Variants in TDRD10 observed in about 807,000 individuals in gnomAD.
The protein encoded by TDRD10 is tudor domain-containing protein 10.
Under a neutral mutation model 48.0 loss-of-function variants are expected in TDRD10, and 40 were observed. That is an observed-to-expected ratio of 0.83 (90% CI 0.65 to 1.09). The LOEUF (loss-of-function observed/expected upper bound fraction) is 1.09. Among genes scored for constraint, TDRD10 ranks in the 50% least tolerant of loss-of-function variants. The pLI, the probability that TDRD10 is intolerant of heterozygous loss-of-function variation, is 0.00. For synonymous variants in TDRD10, 162 were observed against 170.4 expected (o/e 0.95, Z 0.38); for missense variants, 378 against 434.7 (o/e 0.87, Z 1.16).
chr1:154,547,545 G>A (rs746435749), intron 12 of TDRD10, 66 bp downstream of exon 12: 37 of 1,614,248 alleles, frequency 2.3e-5, no homozygotes, highest in Non-Finnish European at 3.1e-5. Flanking sequence ...GTCTGCAGCA[G>A]GCTGCTGCCT....
At chr1:154,526,162 G>T (rs1241709486) in intron 6 of TDRD10, among the ~76,000 whole-genome samples, 1 of 147,696 alleles carries the variant, frequency 6.8e-6, no homozygotes. Flanking sequence ...CCAAGATTGT[G>T]CCACTGCACT....
At chr1:154,515,603 A>T (rs937160910) in intron 4 of TDRD10, among the ~76,000 whole-genome samples, 3 of 152,184 alleles carry the variant, frequency 2.0e-5, no homozygotes, top group Non-Finnish European at 4.4e-5. Flanking sequence ...GCCTTCTCAG[A>T]GGCCCTCCCC....
Position 154,542,056 on chromosome 1 carries a change from C to T in TDRD10, c.402C>T (p.Gly134=), listed in dbSNP as rs534776276. 1.9e-6 allele frequency: 3 copies of T among 1,611,710 alleles called. No individual in the cohort carries two copies. Among genetic ancestry groups the T allele is most frequent in the Non-Finnish European group, 2.5e-6 (3 of 1,178,026 alleles). The change falls in exon 7 of 13, where the codon GGC becomes GGT. Residue 134 remains glycine (G), a synonymous_variant. Transcript: ENST00000368482. Reference sequence around the variant, plus strand: ...AGAAGGCTTCTGGTGAAGGATTTGGCAAAACCGCCGGTGAGATTCTGCGCT... The same window carrying T: ...AGAAGGCTTCTGGTGAAGGATTTGGTAAAACCGCCGGTGAGATTCTGCGCT... ...VLEKASGEGF[G]KTAAIIQLAP... is the part of the protein sequence containing the mutation.
intron 6 of TDRD10, among the ~76,000 whole-genome samples, chr1:154,531,732 G>A (rs1327540845): frequency 2.0e-5 from 3 of 152,088 alleles, no homozygotes; most frequent in East Asian, 3.9e-4. Flanking sequence ...CTGCTGGCTC[G>A]GGCAGCCTGC....
Position 154,544,780 on chromosome 1 carries a change from CT to C in TDRD10, c.798-11del, listed in dbSNP as rs1190087665. 3.7e-6 allele frequency: 6 copies of C among 1,612,974 alleles called. No homozygotes were observed. The highest frequency in any genetic ancestry group is 4.2e-6 in the Non-Finnish European group (5 of 1,179,452). On this transcript the variant is annotated splice_polypyrimidine_tract_variant and intron_variant, in intron 10 of 12. Transcript: ENST00000368482. ...CGGAATGATTGTCCTCTGTCTTTCTCTTTTCCTCTGCCAGGTGTTGGGTGCT... is the reference window on the plus strand; with the variant it reads ...CGGAATGATTGTCCTCTGTCTTTCTCTTTCCTCTGCCAGGTGTTGGGTGCT...
At position 154,547,412 on chromosome 1, in the gene TDRD10, T is replaced by C. The variant is rs774822177; in HGVS notation, c.956T>C (p.Ile319Thr). 7 of 1,614,188 alleles carry C rather than the reference T, an allele frequency of 4.3e-6. No homozygotes were observed. The South Asian group carries it at 5.5e-5, about 13-fold the overall frequency. ...GTTGTTGTGTCTTGTTTTGCAGACA[T>C]TTTGAGTTCGTATGAGGTTGTCCAT... ...LTQPFMLEKD[I>T]LSSYEVVHRI... The change falls in exon 12 of 13, where the codon ATT becomes ACT. Residue 319 changes from isoleucine to threonine, a missense_variant. Physicochemically the swap from Ile to Thr is moderately conservative, Grantham distance 89. Coordinates refer to ENST00000368482, the MANE Select transcript of TDRD10 (RefSeq NM_182499.4).
intron 1 of TDRD10, among the ~76,000 whole-genome samples, chr1:154,506,301 A>G (rs1466137128): frequency 6.6e-6 from 1 of 151,720 alleles, no homozygotes; most frequent in Non-Finnish European, 1.5e-5. Flanking sequence ...CCCTTCCTCC[A>G]TCTTCAAAGC....
intron 4 of TDRD10, among the ~76,000 whole-genome samples, chr1:154,509,513 C>G (rs568463634): frequency 6.6e-6 from 1 of 152,244 alleles, no homozygotes; most frequent in African/African-American, 2.4e-5. Flanking sequence ...GTACACAGAC[C>G]TAGTGAGTGG....
intron 6 of TDRD10, among the ~76,000 whole-genome samples, chr1:154,537,227 G>T (rs4845646): frequency 0.92 from 140,060 of 152,228 alleles, 65,598 homozygotes; most frequent in East Asian, 1. Context: ...TGTCTCTGAC[G>T]TTTGTCTCTT....
chr1:154,526,746 C>T (rs1007841301), intron 6 of TDRD10, among the ~76,000 whole-genome samples: 1 of 151,936 alleles, frequency 6.6e-6, no homozygotes, highest in African/African-American at 2.4e-5. Context: ...AGCCACTGCG[C>T]CTGGCCTAAT....
At chr1:154,528,232 T>A (rs560709751) in intron 6 of TDRD10, among the ~76,000 whole-genome samples, 4 of 135,694 alleles carry the variant, frequency 2.9e-5, no homozygotes, top group African/African-American at 8.2e-5. Context: ...AAAAAAAAAA[T>A]TTTTTTTTGA....
intron 4 of TDRD10, among the ~76,000 whole-genome samples, chr1:154,517,484 C>T (rs1167187155): frequency 1.4e-5 from 2 of 147,274 alleles, no homozygotes; most frequent in African/African-American, 5.1e-5. Context: ...CGCAATGGTG[C>T]GATCTCGGCT....
intron 6 of TDRD10, among the ~76,000 whole-genome samples, chr1:154,528,372 C>T (rs927590993): frequency 6.6e-5 from 10 of 151,078 alleles, no homozygotes; most frequent in African/African-American, 2.2e-4. Context: ...TACAGGCGTG[C>T]ACCACCACGC....
At chr1:154,547,618 T>A in intron 12 of TDRD10, 60 bp from the exon 13 acceptor site, 2 of 1,614,200 alleles carry the variant, frequency 1.2e-6, no homozygotes, top group Non-Finnish European at 1.7e-6. Context: ...ATCTGAGGGG[T>A]TGGGTGAACT....
At chr1:154,537,874 CTGTTGAT>C (rs1430903053) in intron 6 of TDRD10, among the ~76,000 whole-genome samples, 8 of 152,190 alleles carry the variant, frequency 5.3e-5, no homozygotes, top group African/African-American at 1.9e-4. Flanking sequence ...TAATTAAGAG[CTGTTGAT>C]TGATCTGGGC....
At chr1:154,524,297 G>A (rs1245184029) in intron 6 of TDRD10, among the ~76,000 whole-genome samples, 1 of 152,112 alleles carries the variant, frequency 6.6e-6, no homozygotes, top group African/African-American at 2.4e-5. Flanking sequence ...CTCCCTAGTA[G>A]CTGGGACTAC....
chr1:154,503,915 GC>G (rs1692991534), intron 1 of TDRD10, among the ~76,000 whole-genome samples: 1 of 152,164 alleles, frequency 6.6e-6, no homozygotes, highest in African/African-American at 2.4e-5. Flanking sequence ...TTTTAAGTGT[GC>G]ACCTCAAGTG....
chr1:154,533,874 C>CAT (rs1486681738), intron 6 of TDRD10, among the ~76,000 whole-genome samples: 33 of 129,080 alleles, frequency 2.6e-4, no homozygotes, highest in African/African-American at 8.6e-4. Context: ...TGTGCCCAGC[C>CAT]ATATATATAT....
intron 11 of TDRD10, among the ~76,000 whole-genome samples, 192 bp from the exon 12 acceptor site, chr1:154,547,217 A>G (rs558471250): frequency 1.2e-4 from 18 of 152,108 alleles, no homozygotes; most frequent in East Asian, 1.2e-3. Flanking sequence ...CCCCTATGCT[A>G]CCTTTTCAGC....
Sources: gnomAD v4.1 joint callset for allele counts (sites outside exome capture counted in the v4.1 genomes callset) on GRCh38, gnomAD v4.1.1 for gene constraint, MANE v1.5 for transcripts, NCBI Gene and HGNC (gene_info 2026-07-23, HGNC 2026-07-21) for gene names.